The following POU6F2 variants were observed in gnomAD, a reference collection of about 807,000 sequenced individuals.
POU6F2 encodes POU domain, class 6, transcription factor 2.
In POU6F2, 31 loss-of-function variants were observed where a neutral mutation model predicts 71.3. The ratio of observed to expected loss-of-function variants is 0.43; its 90% CI spans 0.33 to 0.59. The LOEUF (loss-of-function observed/expected upper bound fraction) is 0.59, where lower values mean the gene tolerates loss of function less well. Among genes scored for constraint, POU6F2 ranks in the 20% least tolerant of loss-of-function variants. The pLI is 0.04. For synonymous variants in POU6F2, 347 were observed against 355.7 expected, an observed-to-expected ratio of 0.98 and a Z score of 0.27; for missense variants, 783 against 856.8, an observed-to-expected ratio of 0.91 and a Z score of 1.07.
At position 39,460,955 on chromosome 7, in the gene POU6F2, T is replaced by C. The variant is rs1243617187; in HGVS notation, c.1658+240T>C. Among the ~76,000 whole-genome samples the C allele has an allele frequency of 2.0e-5, 3 of 152,178 alleles. No homozygotes were observed. The highest frequency in any genetic ancestry group is 4.4e-5 in the Non-Finnish European group (3 of 68,032). On this transcript the variant is annotated intron_variant, in intron 9 of 9. Coordinates refer to ENST00000518318, the MANE Select transcript of POU6F2 (RefSeq NM_001370959.1). The surrounding 1 kb of genome is among the most constrained non-coding windows in gnomAD (Gnocchi z 4.4). ...ACAAAGAACTTCCAAGGCAGTCTCATTGGAAATACACTACCCCAGGGTCAG... is the reference window on the plus strand; with the variant it reads ...ACAAAGAACTTCCAAGGCAGTCTCACTGGAAATACACTACCCCAGGGTCAG...
At chr7:39,426,545 C>G (rs570846808) in intron 6 of POU6F2, among the ~76,000 whole-genome samples, 1 of 152,190 alleles carries the variant, frequency 6.6e-6, no homozygotes, top group Non-Finnish European at 1.5e-5. Flanking sequence ...AGTGATCTTT[C>G]TCACTCTCTT....
chr7:39,077,723 G>A (rs937804576), intron 1 of POU6F2, among the ~76,000 whole-genome samples: 9 of 152,180 alleles, frequency 5.9e-5, no homozygotes, highest in African/African-American at 1.2e-4. Flanking sequence ...CTGTTACACC[G>A]AAGGAAATCC....
chr7:39,266,995 C>T (rs58852609), intron 4 of POU6F2, among the ~76,000 whole-genome samples: 41,498 of 151,972 alleles, frequency 0.27, 6,376 homozygotes, highest in African/African-American at 0.41. Context: ...TCTTCCCCTG[C>T]GTAGTGATTT....
chr7:39,246,074 A>G (rs1463313632), intron 4 of POU6F2, among the ~76,000 whole-genome samples: 1 of 152,220 alleles, frequency 6.6e-6, no homozygotes, highest in Non-Finnish European at 1.5e-5. Context: ...ACGTTAACCA[A>G]GTTGAAAGTG....
At chr7:39,419,847 GATT>G (rs1463127133) in intron 6 of POU6F2, among the ~76,000 whole-genome samples, 6 of 152,160 alleles carry the variant, frequency 3.9e-5, no homozygotes, top group Non-Finnish European at 5.9e-5. Flanking sequence ...GTTTTCTTCA[GATT>G]AGCAGCAGCA....
chr7:39,073,748 C>T (rs973465881), intron 1 of POU6F2, among the ~76,000 whole-genome samples: 3 of 152,236 alleles, frequency 2.0e-5, no homozygotes, highest in African/African-American at 7.2e-5. Flanking sequence ...CAGGAAGCAA[C>T]GCTGGAGCAA....
chr7:39,105,214 G>A (rs151079356), intron 2 of POU6F2, among the ~76,000 whole-genome samples: 1 of 151,932 alleles, frequency 6.6e-6, no homozygotes, highest in Admixed American at 6.6e-5. Context: ...ATTTCTCTTT[G>A]GTAATAACAG....
At chr7:39,207,050 C>A (rs895326473) in intron 3 of POU6F2, among the ~76,000 whole-genome samples, 1 of 152,138 alleles carries the variant, frequency 6.6e-6, no homozygotes, top group Non-Finnish European at 1.5e-5. Flanking sequence ...TGAGTTCTTT[C>A]TGGAACAACA....
In POU6F2 at chr7:39,464,155, C is replaced by T; in HGVS notation, c.1659-27C>T. ...CCCTGGCAGAGGACTCAGTGTAAGACTGTTCTTTCTCAATTTTCCCCCCCA... is the reference window on the plus strand; with the variant it reads ...CCCTGGCAGAGGACTCAGTGTAAGATTGTTCTTTCTCAATTTTCCCCCCCA... On this transcript the variant is annotated intron_variant, in intron 9 of 9. Transcript: ENST00000518318. This position sits in a 1 kb window ranked among gnomAD's most constrained non-coding sequence, Gnocchi z 4.1. 8 of 1,607,062 alleles carry T rather than the reference C, an allele frequency of 5.0e-6. No individual in the cohort carries two copies. Among genetic ancestry groups the T allele is most frequent in the Non-Finnish European group, 6.8e-6 (8 of 1,176,154 alleles).
intron 2 of POU6F2, among the ~76,000 whole-genome samples, chr7:39,093,684 G>T (rs1791398602): frequency 6.6e-6 from 1 of 152,076 alleles, no homozygotes; most frequent in South Asian, 2.1e-4. Context: ...TATGACAGAA[G>T]TTTGTGAAAG....
intron 4 of POU6F2, among the ~76,000 whole-genome samples, chr7:39,241,752 G>A (rs1783728215): frequency 6.6e-6 from 1 of 151,968 alleles, no homozygotes; most frequent in Non-Finnish European, 1.5e-5. Context: ...TAAATGTGTT[G>A]AGCTATACTT....
chr7:39,009,254 G>T (rs1789185826), intron 1 of POU6F2, among the ~76,000 whole-genome samples: 1 of 151,538 alleles, frequency 6.6e-6, no homozygotes, highest in African/African-American at 2.4e-5. Context: ...TTGTAAGTTG[G>T]ATTCCTAAGT....
chr7:39,126,462 A>G (rs773446629), intron 2 of POU6F2, among the ~76,000 whole-genome samples: 10 of 152,228 alleles, frequency 6.6e-5, no homozygotes, highest in Non-Finnish European at 1.2e-4. Flanking sequence ...GCACTCCGTC[A>G]TTAAGTAGGA....
intron 4 of POU6F2, among the ~76,000 whole-genome samples, chr7:39,308,194 AG>A (rs1409585461): frequency 6.6e-6 from 1 of 152,226 alleles, no homozygotes; most frequent in African/African-American, 2.4e-5. Flanking sequence ...AAGACATCTC[AG>A]TCTTGACAAC....
chr7:39,279,231 C>T (rs1290566033), intron 4 of POU6F2, among the ~76,000 whole-genome samples: 1 of 152,108 alleles, frequency 6.6e-6, no homozygotes, highest in East Asian at 1.9e-4. Flanking sequence ...GAGTGCACTC[C>T]CTTCTGCACC....
intron 2 of POU6F2, among the ~76,000 whole-genome samples, chr7:39,091,044 C>G (rs1318076715): frequency 6.6e-6 from 1 of 152,098 alleles, no homozygotes; most frequent in Non-Finnish European, 1.5e-5. Context: ...AGGCTGTGTG[C>G]ATTTGGACAA....
At chr7:39,143,210 A>G (rs139953342) in intron 2 of POU6F2, among the ~76,000 whole-genome samples, 198 of 152,374 alleles carry the variant, frequency 1.3e-3, no homozygotes, top group African/African-American at 4.6e-3. Flanking sequence ...GGTCAAGTTT[A>G]GCATCAAAAG....
At chr7:39,003,484 T>C (rs989213192) in intron 1 of POU6F2, among the ~76,000 whole-genome samples, 1 of 151,372 alleles carries the variant, frequency 6.6e-6, no homozygotes, top group Non-Finnish European at 1.5e-5. Context: ...CTCATGCCTG[T>C]AATCCCAGCA....
intron 4 of POU6F2, among the ~76,000 whole-genome samples, chr7:39,278,067 C>T (rs375048970): frequency 6.2e-5 from 7 of 112,752 alleles, no homozygotes; most frequent in East Asian, 6.0e-4. Flanking sequence ...AGTGAGACTC[C>T]GTTGAAAGAA....
Sources: gnomAD v4.1 joint callset for allele counts (sites outside exome capture counted in the v4.1 genomes callset) on GRCh38, gnomAD v4.1.1 for gene constraint, Gnocchi (gnomAD v3.1) non-coding constraint, MANE v1.5 for transcripts, NCBI Gene and HGNC (gene_info 2026-07-23, HGNC 2026-07-21) for gene names.